PTPRG: variants seen among roughly 807,000 people sequenced by gnomAD.
The protein encoded by PTPRG is receptor-type tyrosine-protein phosphatase gamma.
Under a neutral mutation model 165.3 loss-of-function variants are expected in PTPRG, and 102 were observed. That is an observed-to-expected ratio of 0.62 (90% CI 0.53 to 0.73). The LOEUF is 0.73. PTPRG is among the 30% of genes least tolerant of loss of function. The probability of loss-of-function intolerance (pLI) is 0.00; values close to 1 mark genes in which losing one functional copy is unlikely to be tolerated. For synonymous variants in PTPRG, 675 were observed against 669.5 expected (o/e 1.01, Z -0.13); for missense variants, 1,866 against 1,861.4 (o/e 1.00, Z -0.05).
At chr3:62,035,957 G>C (rs1468315) in intron 4 of PTPRG, among the ~76,000 whole-genome samples, 29 of 151,358 alleles carry the variant, frequency 1.9e-4, no homozygotes, top group African/African-American at 7.0e-4. Context: ...AATTGATGTC[G>C]CATTAATTCA....
At chr3:61,710,290 T>G (rs2031486864) in intron 1 of PTPRG, among the ~76,000 whole-genome samples, 1 of 152,330 alleles carries the variant, frequency 6.6e-6, no homozygotes, top group East Asian at 1.9e-4. Context: ...AATCTCTTCC[T>G]TATTTAAATG....
intron 3 of PTPRG, among the ~76,000 whole-genome samples, chr3:61,996,907 C>T (rs1164936670): frequency 1.3e-5 from 2 of 152,166 alleles, no homozygotes; most frequent in African/African-American, 4.8e-5. Flanking sequence ...GCCTCAGTCC[C>T]CAAGTTCAGT....
intron 8 of PTPRG, among the ~76,000 whole-genome samples, chr3:62,180,863 T>C (rs1295898733): frequency 6.6e-6 from 1 of 152,178 alleles, no homozygotes; most frequent in Non-Finnish European, 1.5e-5. Context: ...TCGAAACCAG[T>C]GCTTGAACTG....
At chr3:61,842,601 C>G (rs2036668632) in intron 2 of PTPRG, among the ~76,000 whole-genome samples, 1 of 150,118 alleles carries the variant, frequency 6.7e-6, no homozygotes, top group African/African-American at 2.5e-5. Flanking sequence ...ATTTCTACTG[C>G]TACAACACAA....
intron 2 of PTPRG, among the ~76,000 whole-genome samples, chr3:61,909,527 T>A (rs1391909882): frequency 6.6e-6 from 1 of 152,008 alleles, no homozygotes; most frequent in African/African-American, 2.4e-5. Context: ...TTTAAAAATT[T>A]TTTTGTAGCA....
chr3:61,838,345 A>C (rs2036530350), intron 2 of PTPRG, among the ~76,000 whole-genome samples: 1 of 152,206 alleles, frequency 6.6e-6, no homozygotes, highest in African/African-American at 2.4e-5. Context: ...AGGCCACCAA[A>C]ACTAGACAGG....
intron 2 of PTPRG, among the ~76,000 whole-genome samples, chr3:61,881,283 A>G (rs139530713): frequency 4.6e-5 from 7 of 152,314 alleles, no homozygotes; most frequent in Admixed American, 2.0e-4. Context: ...CTGTTTTACT[A>G]TTGGTTACTA....
chr3:62,030,057 G>A (rs1484078458), intron 4 of PTPRG, among the ~76,000 whole-genome samples: 1 of 152,140 alleles, frequency 6.6e-6, no homozygotes, highest in African/African-American at 2.4e-5. Flanking sequence ...TCTATCATTT[G>A]TGTATCCTGA....
At chr3:61,897,674 A>G (rs2038393543) in intron 2 of PTPRG, among the ~76,000 whole-genome samples, 1 of 152,186 alleles carries the variant, frequency 6.6e-6, no homozygotes, top group African/African-American at 2.4e-5. Flanking sequence ...TTTGGGGAGA[A>G]CTGGCATTTT....
At chr3:61,945,516 G>A (rs776641913) in intron 2 of PTPRG, among the ~76,000 whole-genome samples, 8 of 128,108 alleles carry the variant, frequency 6.2e-5, no homozygotes, top group Admixed American at 2.0e-4. Context: ...CCAAGATGGC[G>A]CTACTGCACT....
intron 3 of PTPRG, among the ~76,000 whole-genome samples, chr3:61,995,768 CTTCTTTTTCTTT>C (rs1304323496): frequency 3.7e-5 from 5 of 135,748 alleles, no homozygotes; most frequent in African/African-American, 1.4e-4. Flanking sequence ...TCCCTCCCTC[CTTCTTTTTCTTT>C]TTCTTTTTTT....
At chr3:61,647,844 G>T (rs1275109383) in intron 1 of PTPRG, among the ~76,000 whole-genome samples, 1 of 148,826 alleles carries the variant, frequency 6.7e-6, no homozygotes, top group Non-Finnish European at 1.5e-5. Context: ...CCTTGGAGCT[G>T]GTGCTGCTTT....
intron 2 of PTPRG, among the ~76,000 whole-genome samples, chr3:61,888,553 G>A (rs2038120810): frequency 6.6e-6 from 1 of 152,098 alleles, no homozygotes; most frequent in Non-Finnish European, 1.5e-5. Context: ...GGATGGTCTC[G>A]ATCTCCTGAC....
At chr3:62,014,523 CT>C (rs1194740977) in intron 4 of PTPRG, among the ~76,000 whole-genome samples, 1 of 152,186 alleles carries the variant, frequency 6.6e-6, no homozygotes, top group Admixed American at 6.5e-5. Flanking sequence ...ACAGATAGAG[CT>C]TCAACTCCTG....
intron 3 of PTPRG, among the ~76,000 whole-genome samples, chr3:61,999,222 CTT>C (rs1278019925): frequency 6.6e-6 from 1 of 152,038 alleles, no homozygotes; most frequent in East Asian, 1.9e-4. Flanking sequence ...GCCTTTTGTA[CTT>C]TTAGTAGAGA....
At chr3:62,001,894 G>T (rs2041178980) in intron 3 of PTPRG, among the ~76,000 whole-genome samples, 1 of 152,142 alleles carries the variant, frequency 6.6e-6, no homozygotes, top group Non-Finnish European at 1.5e-5. Context: ...GGCCTGCAAA[G>T]CCTAAAATAT....
intron 15 of PTPRG, among the ~76,000 whole-genome samples, chr3:62,249,095 T>C (rs1701353120): frequency 6.6e-6 from 1 of 152,194 alleles, no homozygotes; most frequent in Non-Finnish European, 1.5e-5. Flanking sequence ...TTTCTTTTTA[T>C]GGCAGGAAAT....
intron 4 of PTPRG, among the ~76,000 whole-genome samples, chr3:62,012,185 C>T (rs1310039262): frequency 6.6e-6 from 1 of 152,180 alleles, no homozygotes; most frequent in Non-Finnish European, 1.5e-5. Flanking sequence ...GAGAGGGACT[C>T]TTCTTATACC....
At chr3:61,689,332 A>G (rs1171079481) in intron 1 of PTPRG, among the ~76,000 whole-genome samples, 2 of 152,200 alleles carry the variant, frequency 1.3e-5, no homozygotes, top group Admixed American at 1.3e-4. Context: ...AAACAAGATA[A>G]TTTCTTTACT....
Sources: allele counts gnomAD v4.1 joint callset (sites outside exome capture counted in the v4.1 genomes callset), GRCh38; gene constraint gnomAD v4.1.1; transcripts MANE v1.5; gene names NCBI Gene and HGNC (gene_info 2026-07-23, HGNC 2026-07-21).